NPIPB11: variants seen among roughly 807,000 people sequenced by gnomAD.
NPIPB11 encodes the protein nuclear pore complex interacting protein family member B11, also known as nuclear pore complex-interacting protein family member B11.
A neutral mutation model predicts 32.8 loss-of-function variants in NPIPB11; 17 were observed. The ratio of observed to expected loss-of-function variants is 0.52; its 90% CI spans 0.35 to 0.78. The LOEUF is 0.78. NPIPB11 is among the 30% of genes least tolerant of loss of function. NPIPB11 has a pLI of 0.01. For synonymous variants in NPIPB11, 209 were observed against 398.4 expected, an observed-to-expected ratio of 0.52 and a Z score of 5.66; for missense variants, 537 against 1,000.4, an observed-to-expected ratio of 0.54 and a Z score of 6.25.
chr16:29,390,349 C>T lies in NPIPB11; in HGVS notation c.250-1G>A, dbSNP rs1430304854. The T allele has an allele frequency of 1.1e-6, 1 of 916,854 alleles. No homozygotes were observed. Among genetic ancestry groups the T allele is most frequent in the African/African-American group, 1.6e-5 (1 of 61,484 alleles). The allele number at this position is 916,854 out of a possible 1,614,324, so 56.8% of individuals were successfully genotyped here. A position where few individuals can be genotyped will look rare whatever the true frequency, so the allele number is the denominator to read the frequency against. ...AGAAGATAGTCTTCAGGAGAGACAC[C>T]TAGGAAATAATAATATAAGAATGAC... is the stretch of plus-strand genomic sequence containing the variant. On this transcript the variant is annotated splice_acceptor_variant, in intron 3 of 7. Coordinates refer to ENST00000524087, the Ensembl canonical transcript of NPIPB11. LOFTEE classifies it high-confidence loss of function.
At chr16:29,390,738 C>T (rs1332640511) in intron 3 of NPIPB11, among the ~76,000 whole-genome samples, 7 of 151,476 alleles carry the variant, frequency 4.6e-5, no homozygotes, top group South Asian at 2.1e-4. Flanking sequence ...CTGAGGCAGG[C>T]GGATCACCTG....
At chr16:29,390,441 G>T in intron 3 of NPIPB11, 93 bp from the exon 4 acceptor site, 1 of 1,585,252 alleles carries the variant, frequency 6.3e-7, no homozygotes, top group Non-Finnish European at 8.6e-7. Flanking sequence ...TGGATCACGG[G>T]GTCAGGAGCA....
At chr16:29,402,901 AATGAAGGAGAATAAAAAAT>A (rs1180352495) in intron 2 of NPIPB11, among the ~76,000 whole-genome samples, 2 of 135,500 alleles carry the variant, frequency 1.5e-5, no homozygotes, top group Non-Finnish European at 3.1e-5. Flanking sequence ...ATTCAAAACA[AATGAAGGAGAATAAAAAAT>A]ATGTATTACA....
chr16:29,393,619 T>C (rs1471300375), intron 3 of NPIPB11, among the ~76,000 whole-genome samples: 13 of 150,022 alleles, frequency 8.7e-5, no homozygotes, highest in Admixed American at 8.6e-4. Context: ...ACCCATACGA[T>C]AGAACTATAA....
chr16:29,394,292 G>T (rs953494662), intron 2 of NPIPB11, among the ~76,000 whole-genome samples: 3 of 152,010 alleles, frequency 2.0e-5, no homozygotes, highest in African/African-American at 7.3e-5. Flanking sequence ...CAAATGTGGG[G>T]TGTTGTCTTT....
At chr16:29,393,500 G>T (rs1475386963) in intron 3 of NPIPB11, among the ~76,000 whole-genome samples, 1 of 151,934 alleles carries the variant, frequency 6.6e-6, no homozygotes, top group Non-Finnish European at 1.5e-5. Flanking sequence ...TTTTTCAGCT[G>T]GTTCCCATGT....
At chr16:29,391,284 GA>G (rs1963716913) in intron 3 of NPIPB11, among the ~76,000 whole-genome samples, 1 of 143,068 alleles carries the variant, frequency 7.0e-6, no homozygotes, top group Non-Finnish European at 1.5e-5. Flanking sequence ...AAAAAAAAAT[GA>G]CATGAATATA....
At chr16:29,384,065 C>G (rs1331071103) in exon 8 of NPIPB11, 1 of 1,216,452 alleles carries the variant, frequency 8.2e-7, no homozygotes, top group Non-Finnish European at 1.1e-6. Flanking sequence ...GGGGAGTGAG[C>G]AGACACTCGG....
chr16:29,394,101 T>C (rs757423668), intron 2 of NPIPB11, 25 bp from the exon 3 acceptor site: 1 of 1,593,812 alleles, frequency 6.3e-7, no homozygotes, highest in East Asian at 2.2e-5. Flanking sequence ...GTTGAAATAA[T>C]GAAAAGGTCA....
At chr16:29,392,016 T>A (rs1239042056) in intron 3 of NPIPB11, among the ~76,000 whole-genome samples, 3 of 152,172 alleles carry the variant, frequency 2.0e-5, no homozygotes, top group South Asian at 4.1e-4. Context: ...CCACCACACC[T>A]GGCCTGAAAT....
rs1259009026 is a variant in NPIPB11 at position 29,389,922 on chromosome 16, G to A, written c.545+19C>T. 1 of 1,585,986 alleles carries A rather than the reference G, an allele frequency of 6.3e-7. No homozygotes were observed. Among genetic ancestry groups the A allele is most frequent in the African/African-American group, 1.4e-5 (1 of 73,734 alleles). On this transcript the variant is annotated intron_variant, in intron 5 of 7. Coordinates refer to ENST00000524087, the Ensembl canonical transcript of NPIPB11. ...GCACATGGTTCCTACAACAGTATTT[G>A]TGTCAAGGCACATCTTACTGTTTTC...
chr16:29,393,791 C>T (rs1242218458), intron 3 of NPIPB11, among the ~76,000 whole-genome samples, 157 bp downstream of exon 3: 3 of 152,180 alleles, frequency 2.0e-5, no homozygotes, highest in Non-Finnish European at 4.4e-5. Flanking sequence ...ACGCAAATGG[C>T]AGATATTTTC....
At chr16:29,390,225 A>G in intron 4 of NPIPB11, 24 bp downstream of exon 4, 2 of 1,586,684 alleles carry the variant, frequency 1.3e-6, no homozygotes, top group South Asian at 1.1e-5. Context: ...TTTCCACACT[A>G]TGCGGATTCC....
chr16:29,389,192 C>T (rs1303859297), intron 5 of NPIPB11, among the ~76,000 whole-genome samples: 2 of 100,050 alleles, frequency 2.0e-5, no homozygotes, highest in Non-Finnish European at 4.0e-5. Flanking sequence ...GAGACTCTGT[C>T]TCAAAAAAAA....
chr16:29,405,579 G>C (rs565892707), upstream of NPIPB11, among the ~76,000 whole-genome samples: 14 of 152,074 alleles, frequency 9.2e-5, no homozygotes, highest in Admixed American at 2.6e-4. Context: ...ACTGAGTCTC[G>C]GAATGATGAA....
chr16:29,383,298 A>C, exon 8 of NPIPB11: 1 of 1,552,732 alleles, frequency 6.4e-7, no homozygotes, highest in South Asian at 1.1e-5. Context: ...CGGCCCCCGC[A>C]GATGCTCGGC....
exon 8 of NPIPB11, chr16:29,383,674 G>C: frequency 2.1e-6 from 1 of 475,138 alleles, no homozygotes; most frequent in Non-Finnish European, 2.8e-6. Context: ...AGCGGCCCCC[G>C]CAGATGCTCG....
chr16:29,406,309 A>T (rs1490079415), upstream of NPIPB11, among the ~76,000 whole-genome samples: 2 of 152,282 alleles, frequency 1.3e-5, no homozygotes, highest in Non-Finnish European at 2.9e-5. Flanking sequence ...AGTTATATTT[A>T]TGGGTATGTT....
chr16:29,398,001 A>C (rs1455954480), intron 2 of NPIPB11, among the ~76,000 whole-genome samples: 2 of 89,740 alleles, frequency 2.2e-5, no homozygotes, highest in Non-Finnish European at 4.2e-5. Context: ...AGAGGGAGAC[A>C]AAAAGGTTCT....
Sources: gnomAD v4.1 joint callset for allele counts (sites outside exome capture counted in the v4.1 genomes callset) on GRCh38, gnomAD v4.1.1 for gene constraint, MANE v1.5 for transcripts, NCBI Gene and HGNC (gene_info 2026-07-23, HGNC 2026-07-21) for gene names.